The following NTRK3 variants were observed in gnomAD, a reference collection of about 807,000 sequenced individuals.
NTRK3 encodes the protein neurotrophic receptor tyrosine kinase 3, also known as NT-3 growth factor receptor.
NTRK3 carries 24 observed loss-of-function variants against 91.7 expected under a neutral mutation model. That is an observed-to-expected ratio of 0.26 (90% CI 0.19 to 0.37). NTRK3 has a LOEUF of 0.37. Ranked by LOEUF, NTRK3 falls within the 10% of genes least tolerant of loss-of-function variation. The pLI, the probability that NTRK3 is intolerant of heterozygous loss-of-function variation, is 1.00. For missense variants in NTRK3, 880 were observed against 1,068.9 expected, an observed-to-expected ratio of 0.82 and a Z score of 2.46; for synonymous variants, 483 against 404.0, an observed-to-expected ratio of 1.20 and a Z score of -2.34.
chr15:88,107,754 A>G (rs1012742733), intron 13 of NTRK3, among the ~76,000 whole-genome samples: 1 of 152,138 alleles, frequency 6.6e-6, no homozygotes, highest in Admixed American at 6.5e-5. Flanking sequence ...TGCAGGGAAT[A>G]GCAACATAAA....
intron 17 of NTRK3, among the ~76,000 whole-genome samples, chr15:87,922,724 G>C (rs569341136): frequency 1.3e-4 from 20 of 152,294 alleles, no homozygotes; most frequent in Non-Finnish European, 2.4e-4. Context: ...GCTTCAGTTA[G>C]AATTTCGACA....
intron 3 of NTRK3, among the ~76,000 whole-genome samples, chr15:88,188,532 A>G (rs1266170669): frequency 6.6e-6 from 1 of 152,236 alleles, no homozygotes; most frequent in Non-Finnish European, 1.5e-5. Flanking sequence ...GCTTTATTAT[A>G]TAAAGCTTCT....
chr15:87,925,395 T>C (rs903718143), intron 17 of NTRK3, among the ~76,000 whole-genome samples: 1 of 151,994 alleles, frequency 6.6e-6, no homozygotes, highest in Admixed American at 6.6e-5. Context: ...CATGCCCTTA[T>C]ATGCACATTC....
At chr15:88,046,401 C>T (rs916687988) in intron 13 of NTRK3, among the ~76,000 whole-genome samples, 1 of 152,130 alleles carries the variant, frequency 6.6e-6, no homozygotes, top group Non-Finnish European at 1.5e-5. Context: ...CTGAACAGGT[C>T]CCCAGGTCTA....
In NTRK3 at chr15:88,255,434, G is replaced by T. The variant is rs114510865; in HGVS notation, c.248+472C>A. Among the ~76,000 whole-genome samples, 183 of 152,328 alleles carry T rather than the reference G, an allele frequency of 1.2e-3. 1 individual carries two copies. The highest frequency in any genetic ancestry group is 4.2e-3 in the African/African-American group (176 of 41,584). On this transcript the variant is annotated intron_variant, in intron 3 of 18. Coordinates refer to ENST00000394480, the Ensembl canonical transcript of NTRK3. The surrounding 1 kb of genome is among the most constrained non-coding windows in gnomAD (Gnocchi z 4.3). The stretch of plus-strand genomic sequence containing the variant: ...AATAGTTAAACACCTCGGCTGGATC[G>T]CGAGCAGTCCCTATCTGTCACCTTC...
chr15:88,035,239 G>T (rs962008487), intron 13 of NTRK3, among the ~76,000 whole-genome samples: 9 of 152,184 alleles, frequency 5.9e-5, no homozygotes, highest in Admixed American at 5.9e-4. Context: ...GGACAAGAGA[G>T]CCAGGAAGGC....
At chr15:88,142,050 A>G (rs560392142) in intron 6 of NTRK3, among the ~76,000 whole-genome samples, 3 of 152,362 alleles carry the variant, frequency 2.0e-5, no homozygotes, top group South Asian at 2.1e-4. Flanking sequence ...TCTTAAAACA[A>G]TGACACCCTA....
intron 14 of NTRK3, among the ~76,000 whole-genome samples, chr15:87,955,049 A>T (rs1596390176): frequency 6.6e-6 from 1 of 152,170 alleles, no homozygotes; most frequent in Admixed American, 6.5e-5. Context: ...ATGACATTGC[A>T]TTTGGGAAGT....
chr15:87,864,286 T>C (rs1474490203), exon 19 of NTRK3: 1 of 232,122 alleles, frequency 4.3e-6, no homozygotes, highest in Non-Finnish European at 8.5e-6. Flanking sequence ...CCACATCTGA[T>C]AGAATTGGAG....
In NTRK3 at chr15:88,147,720, C is replaced by T. The variant is rs2303464; in HGVS notation, c.396-317G>A. 6.6e-3 allele frequency among the ~76,000 whole-genome samples: 1,007 copies of T among 152,172 alleles called. 49 individuals are homozygous for T. In the East Asian group the frequency reaches 0.13, roughly 20 times the overall value. ...TCCCCACAATAAAAGTTTACAGAGCCTTTATGAAGCCATCCTTCTCTAAGA... is the reference window on the plus strand; with the variant it reads ...TCCCCACAATAAAAGTTTACAGAGCTTTTATGAAGCCATCCTTCTCTAAGA... On this transcript the variant is annotated intron_variant, in intron 5 of 18. Transcript: ENST00000394480.
intron 3 of NTRK3, among the ~76,000 whole-genome samples, chr15:88,232,139 C>G (rs1199955660): frequency 6.6e-6 from 1 of 152,148 alleles, no homozygotes; most frequent in African/African-American, 2.4e-5. Flanking sequence ...ACTGGGCACT[C>G]TGGCTGTGTG....
At chr15:88,072,704 G>C in intron 13 of NTRK3, 1 of 232,876 alleles carries the variant, frequency 4.3e-6, no homozygotes. Flanking sequence ...AGAGGGCAGA[G>C]GTATGATGGG....
At chr15:88,133,760 G>A (rs1401705164) in intron 10 of NTRK3, among the ~76,000 whole-genome samples, 1 of 152,152 alleles carries the variant, frequency 6.6e-6, no homozygotes, top group Non-Finnish European at 1.5e-5. Context: ...TGTCATGGGG[G>A]CTTTTACTGA....
intron 18 of NTRK3, among the ~76,000 whole-genome samples, chr15:87,877,669 T>A (rs2065014155): frequency 6.6e-6 from 1 of 152,156 alleles, no homozygotes; most frequent in Non-Finnish European, 1.5e-5. Flanking sequence ...AGGACCCTTT[T>A]GCAGCAAGAC....
chr15:88,128,931 G>C (rs1405615005), intron 10 of NTRK3, among the ~76,000 whole-genome samples, 197 bp from the exon 11 acceptor site: 1 of 152,150 alleles, frequency 6.6e-6, no homozygotes, highest in Non-Finnish European at 1.5e-5. Context: ...CCTCCAAATG[G>C]AGAAGGAATG....
At chr15:87,874,264 C>T (rs114661188) in exon 19 of NTRK3, 8,204 of 99,498 alleles carry the variant, frequency 0.082, 226 homozygotes, top group African/African-American at 0.3. Context: ...TCTTCCCTCG[C>T]TACCCTTCCC....
At chr15:87,901,460 T>G (rs1053647686) in intron 17 of NTRK3, among the ~76,000 whole-genome samples, 1 of 152,024 alleles carries the variant, frequency 6.6e-6, no homozygotes, top group Non-Finnish European at 1.5e-5. Flanking sequence ...AGTGCTGGGG[T>G]AGGTAATCCC....
At chr15:88,166,635 A>C (rs958239511) in intron 5 of NTRK3, among the ~76,000 whole-genome samples, 13 of 152,214 alleles carry the variant, frequency 8.5e-5, no homozygotes, top group Admixed American at 5.9e-4. Flanking sequence ...CCTCCCAAGA[A>C]GAAACAATTT....
exon 15 of NTRK3, chr15:87,940,731 T>C (rs1326842420): frequency 6.2e-7 from 1 of 1,613,928 alleles, no homozygotes; most frequent in East Asian, 2.2e-5. Flanking sequence ...GCACGATGTC[T>C]CTCCTCTTAA....
Sources: allele counts gnomAD v4.1 joint callset (sites outside exome capture counted in the v4.1 genomes callset), GRCh38; gene constraint gnomAD v4.1.1; non-coding constraint Gnocchi (gnomAD v3.1); transcripts MANE v1.5; gene names NCBI Gene and HGNC (gene_info 2026-07-23, HGNC 2026-07-21).